The following RB1 variants were observed in gnomAD, a reference collection of about 807,000 sequenced individuals.
The protein encoded by RB1 is retinoblastoma-associated protein.
Under a neutral mutation model 135.4 loss-of-function variants are expected in RB1, and 18 were observed. That is an observed-to-expected ratio of 0.13 (90% confidence interval 0.09 to 0.20). The LOEUF (loss-of-function observed/expected upper bound fraction) is 0.20, where lower values mean the gene tolerates loss of function less well. RB1 is among the 10% of genes least tolerant of loss of function. The pLI, the probability that RB1 is intolerant of heterozygous loss-of-function variation, is 1.00. For synonymous variants in RB1, 365 were observed against 373.2 expected, an observed-to-expected ratio of 0.98 and a Z score of 0.25; for missense variants, 868 against 1,110.0, an observed-to-expected ratio of 0.78 and a Z score of 3.10.
chr13:48,471,573 T>TTAAAAAAAAAA (rs71072103), intron 23 of RB1, among the ~76,000 whole-genome samples: 4 of 133,984 alleles, frequency 3.0e-5, no homozygotes, highest in Non-Finnish European at 1.6e-5. Flanking sequence ...AAAATATAAA[T>TTAAAAAAAAAA]AAAAAAAAAA....
At chr13:48,476,276 CT>C (rs1364223867) in intron 24 of RB1, 2 of 201,634 alleles carry the variant, frequency 9.9e-6, no homozygotes, top group Non-Finnish European at 2.0e-5. Context: ...CACATCATCT[CT>C]TATCAAATTC....
chr13:48,438,043 A>G (rs1949201458), intron 17 of RB1, among the ~76,000 whole-genome samples: 1 of 152,170 alleles, frequency 6.6e-6, no homozygotes, highest in Non-Finnish European at 1.5e-5. Context: ...AGTGTCCATT[A>G]TATGCTTGGC....
chr13:48,467,243 G>A (rs1949451577), intron 23 of RB1, among the ~76,000 whole-genome samples: 1 of 126,214 alleles, frequency 7.9e-6, no homozygotes, highest in African/African-American at 2.9e-5. Flanking sequence ...AAGAGAGTGG[G>A]GGCCAATATT....
intron 17 of RB1, among the ~76,000 whole-genome samples, chr13:48,384,069 G>T (rs1006405822): frequency 6.6e-6 from 1 of 152,094 alleles, no homozygotes; most frequent in African/African-American, 2.4e-5. Flanking sequence ...AGCCTGTTTA[G>T]CTCAGTTATT....
intron 19 of RB1, among the ~76,000 whole-genome samples, chr13:48,457,211 G>A (rs1229882820): frequency 2.0e-5 from 3 of 152,132 alleles, no homozygotes; most frequent in East Asian, 1.9e-4. Context: ...ACAAAGTCCC[G>A]ATGAGTGTTC....
At chr13:48,345,755 T>G (rs1952487874) in intron 4 of RB1, among the ~76,000 whole-genome samples, 1 of 152,198 alleles carries the variant, frequency 6.6e-6, no homozygotes, top group Admixed American at 6.5e-5. Flanking sequence ...GGCATATGTC[T>G]GTTATCATGT....
rs538536931 is a variant in RB1 at position 48,418,043 on chromosome 13, A to G, written c.1696-34950A>G. ...GAAATACAGAGAACACCACAAAGATACTCCTCAAGAAGAGCAACCCCAAGA... is the reference window on the plus strand; with the variant it reads ...GAAATACAGAGAACACCACAAAGATGCTCCTCAAGAAGAGCAACCCCAAGA... On this transcript the variant is annotated intron_variant, in intron 17 of 26. Transcript: ENST00000267163. Among the ~76,000 whole-genome samples, 19 of 152,134 alleles carry G rather than the reference A, an allele frequency of 1.2e-4. No individual in the cohort carries two copies. The South Asian group carries it at 3.7e-3, about 30-fold the overall frequency.
At chr13:48,408,287 G>A (rs1420935310) in intron 17 of RB1, among the ~76,000 whole-genome samples, 2 of 151,584 alleles carry the variant, frequency 1.3e-5, no homozygotes, top group Non-Finnish European at 2.9e-5. Flanking sequence ...ATATTTTTAT[G>A]CTTTTTAAAA....
chr13:48,304,153 C>T (rs1952056661), intron 1 of RB1, 104 bp downstream of exon 1: 2 of 1,237,790 alleles, frequency 1.6e-6, no homozygotes, highest in Non-Finnish European at 2.1e-6. Flanking sequence ...CGCCAGGGGC[C>T]GGGTCCCGGC....
intron 17 of RB1, among the ~76,000 whole-genome samples, chr13:48,398,541 A>G (rs1948665992): frequency 1.3e-5 from 2 of 151,604 alleles, no homozygotes; most frequent in South Asian, 4.1e-4. Flanking sequence ...TGTCTCTCAT[A>G]TTTATTATAT....
At chr13:48,333,281 T>C (rs1952352729) in intron 2 of RB1, 2 of 380,554 alleles carry the variant, frequency 5.3e-6, no homozygotes, top group South Asian at 1.5e-4. Flanking sequence ...GGAGTTGATA[T>C]TGTTAATCCA....
At chr13:48,402,271 T>C (rs1948698608) in intron 17 of RB1, among the ~76,000 whole-genome samples, 1 of 152,014 alleles carries the variant, frequency 6.6e-6, no homozygotes, top group Non-Finnish European at 1.5e-5. Context: ...AACCCACATA[T>C]TTTAACGGGG....
chr13:48,464,909 GA>G, intron 21 of RB1, 88 bp from the exon 22 acceptor site: 1 of 1,375,020 alleles, frequency 7.3e-7, no homozygotes, highest in Non-Finnish European at 9.6e-7. Context: ...TATTAGAAAA[GA>G]AAATCTAAAG....
At chr13:48,330,233 C>A (rs1952320974) in intron 2 of RB1, among the ~76,000 whole-genome samples, 1 of 151,684 alleles carries the variant, frequency 6.6e-6, no homozygotes, top group Admixed American at 6.6e-5. Flanking sequence ...ACAGTAGGAC[C>A]CCAGATAAGT....
At chr13:48,395,425 C>A (rs1948640371) in intron 17 of RB1, among the ~76,000 whole-genome samples, 1 of 152,088 alleles carries the variant, frequency 6.6e-6, no homozygotes, top group Non-Finnish European at 1.5e-5. Flanking sequence ...TAATAACAAA[C>A]TCCTCCGAGC....
intron 9 of RB1, among the ~76,000 whole-genome samples, chr13:48,366,902 T>C (rs1566194063): frequency 6.6e-6 from 1 of 152,078 alleles, no homozygotes; most frequent in Non-Finnish European, 1.5e-5. Context: ...GTGGATCACC[T>C]GAGGTCAGGA....
At chr13:48,437,398 A>G (rs915242920) in intron 17 of RB1, among the ~76,000 whole-genome samples, 5 of 152,224 alleles carry the variant, frequency 3.3e-5, no homozygotes, top group Non-Finnish European at 7.3e-5. Flanking sequence ...ATCAATTGCT[A>G]TATTAATTAT....
At chr13:48,461,530 C>T (rs754752561) in intron 20 of RB1, among the ~76,000 whole-genome samples, 19 of 152,114 alleles carry the variant, frequency 1.2e-4, no homozygotes, top group Non-Finnish European at 2.8e-4. Context: ...ATTGCTAGGT[C>T]ATATGATAAT....
chr13:48,453,565 T>A (rs910076428), intron 18 of RB1, among the ~76,000 whole-genome samples: 1 of 152,184 alleles, frequency 6.6e-6, no homozygotes, highest in Non-Finnish European at 1.5e-5. Flanking sequence ...GATTAGTGTG[T>A]GCTGGTGATG....
Sources: gnomAD v4.1 joint callset for allele counts (sites outside exome capture counted in the v4.1 genomes callset) on GRCh38, gnomAD v4.1.1 for gene constraint, MANE v1.5 for transcripts, NCBI Gene and HGNC (gene_info 2026-07-23, HGNC 2026-07-21) for gene names.